Variants in PIGN observed in about 807,000 individuals in gnomAD.
PIGN encodes the protein phosphatidylinositol glycan anchor biosynthesis class N, also known as GPI ethanolamine phosphate transferase 1.
In PIGN, 117 loss-of-function variants were observed where a neutral mutation model predicts 125.4. The ratio of observed to expected loss-of-function variants is 0.93; its 90% CI spans 0.80 to 1.09. The LOEUF (loss-of-function observed/expected upper bound fraction) is 1.09. Ranked by LOEUF, PIGN falls within the 50% of genes least tolerant of loss-of-function variation. PIGN has a pLI of 0.00. For synonymous variants in PIGN, 392 were observed against 377.8 expected, an observed-to-expected ratio of 1.04 and a Z score of -0.44; for missense variants, 1,075 against 1,094.9, an observed-to-expected ratio of 0.98 and a Z score of 0.26.
At chr18:62,138,955 T>C (rs1278458380) in intron 13 of PIGN, 28 bp downstream of exon 13, 1 of 1,203,866 alleles carries the variant, frequency 8.3e-7, no homozygotes, top group South Asian at 1.5e-5. Context: ...TCCATTTTTG[T>C]GCGTGCCTTT....
intron 23 of PIGN, among the ~76,000 whole-genome samples, chr18:62,021,294 G>A (rs920548513): frequency 6.6e-6 from 1 of 152,214 alleles, no homozygotes; most frequent in Non-Finnish European, 1.5e-5. Context: ...TGTTGTGTAT[G>A]TCAAGCCAGG....
intron 1 of PIGN, among the ~76,000 whole-genome samples, chr18:62,178,685 G>C (rs1167576979): frequency 6.6e-6 from 1 of 151,510 alleles, no homozygotes; most frequent in African/African-American, 2.4e-5. Context: ...AAACTATTAA[G>C]CCATATAATT....
chr18:62,023,113 C>A (rs2030073322), intron 23 of PIGN, among the ~76,000 whole-genome samples: 1 of 152,048 alleles, frequency 6.6e-6, no homozygotes, highest in Admixed American at 6.6e-5. Flanking sequence ...AGATGTGGAA[C>A]CTACGGATAT....
chr18:62,053,012 G>C, intron 30 of PIGN: 1 of 366,506 alleles, frequency 2.7e-6, no homozygotes, highest in Non-Finnish European at 4.9e-6. Flanking sequence ...GAAGGAAAAA[G>C]AACTCAGTAA....
intron 21 of PIGN, among the ~76,000 whole-genome samples, chr18:62,102,118 T>C (rs1267838813): frequency 6.6e-6 from 1 of 151,248 alleles, no homozygotes; most frequent in Non-Finnish European, 1.5e-5. Flanking sequence ...TCCCAGCTAC[T>C]CAAGAAGCTG....
chr18:62,140,429 A>C lies in PIGN; in HGVS notation c.1014T>G (p.Leu338=), dbSNP rs750606398. ...AAATTTTATTCCTTACCACTGAGTT[A>C]AGAGGAAAGGGAACTCCAATAAGGG... is the stretch of plus-strand genomic sequence containing the variant. ...MTSLIGVPFP[L]NSVGILPVDY... is the part of the protein sequence containing the mutation. Residue 338 remains leucine (L), a synonymous_variant, in exon 12 of 31, where the codon CTT becomes CTG. Transcript: ENST00000640252. 6.7e-7 allele frequency: 1 copy of C among 1,493,704 alleles called. No homozygotes were observed. The highest frequency in any genetic ancestry group is 9.2e-7 in the Non-Finnish European group (1 of 1,085,262). The allele number at this position is 1,493,704 out of a possible 1,614,324, so 92.5% of individuals were successfully genotyped here.
chr18:62,151,957 C>A (rs113914251), intron 7 of PIGN, among the ~76,000 whole-genome samples: 6,275 of 152,188 alleles, frequency 0.041, 427 homozygotes, highest in African/African-American at 0.14. Context: ...GTGGCCATGG[C>A]CCATGACACA....
At chr18:62,176,265 T>A (rs1287668297) in intron 1 of PIGN, among the ~76,000 whole-genome samples, 2 of 152,152 alleles carry the variant, frequency 1.3e-5, no homozygotes, top group Admixed American at 6.6e-5. Flanking sequence ...ATCTCTTTTT[T>A]ACAGAATAAT....
In PIGN at chr18:62,140,441, A is replaced by G; in HGVS notation, c.1002T>C (p.Val334=). 6.5e-7 allele frequency: 1 copy of G among 1,545,736 alleles called. No homozygotes were observed. Among genetic ancestry groups the G allele is most frequent in the Non-Finnish European group, 8.9e-7 (1 of 1,129,748 alleles). ...TTACCACTGAGTTAAGAGGAAAGGGAACTCCAATAAGGGAAGTCATCAATG... is the reference window on the plus strand; with the variant it reads ...TTACCACTGAGTTAAGAGGAAAGGGGACTCCAATAAGGGAAGTCATCAATG... ...IAPLMTSLIG[V]PFPLNSVGIL... Residue 334 remains valine, a synonymous_variant, in exon 12 of 31, where the codon GTT becomes GTC. Coordinates refer to ENST00000640252, the MANE Select transcript of PIGN (RefSeq NM_176787.5).
intron 1 of PIGN, among the ~76,000 whole-genome samples, chr18:62,167,284 ATATGTGTGTGTG>A (rs1364219141): frequency 4.3e-4 from 58 of 136,172 alleles, no homozygotes; most frequent in African/African-American, 1.4e-3. Context: ...ATAGAGATAT[ATATGTGTGTGTG>A]TGTGTGTGTG....
At chr18:62,098,599 A>C (rs2034307063) in intron 22 of PIGN, among the ~76,000 whole-genome samples, 1 of 152,192 alleles carries the variant, frequency 6.6e-6, no homozygotes, top group South Asian at 2.1e-4. Context: ...ATTTCAAAAT[A>C]TACCATCCAT....
chr18:62,056,846 T>C (rs936610269), intron 30 of PIGN: 2 of 152,336 alleles, frequency 1.3e-5, no homozygotes, highest in East Asian at 3.8e-4. Flanking sequence ...CTCCACCTCC[T>C]GTCAAATGAG....
chr18:62,141,214 A>G (rs1171922859), intron 11 of PIGN, among the ~76,000 whole-genome samples: 1 of 152,244 alleles, frequency 6.6e-6, no homozygotes, highest in African/African-American at 2.4e-5. Context: ...TCAAATTCTC[A>G]GGTAGGTTTT....
At chr18:62,064,517 C>G (rs536802543) in intron 30 of PIGN, among the ~76,000 whole-genome samples, 2 of 152,166 alleles carry the variant, frequency 1.3e-5, no homozygotes, top group Non-Finnish European at 2.9e-5. Flanking sequence ...ATTTATTAAA[C>G]ACATACACAA....
chr18:62,126,230 A>G (rs2035530837), intron 14 of PIGN, among the ~76,000 whole-genome samples: 1 of 152,118 alleles, frequency 6.6e-6, no homozygotes, highest in Non-Finnish European at 1.5e-5. Flanking sequence ...CTTTCAACAT[A>G]TATAACATTT....
chr18:62,031,714 T>A (rs528386548), intron 23 of PIGN, among the ~76,000 whole-genome samples: 12 of 152,292 alleles, frequency 7.9e-5, no homozygotes, highest in African/African-American at 2.6e-4. Flanking sequence ...TTTTTTTCTT[T>A]TCTGTTTTCA....
chr18:62,095,435 T>C (rs951882426), intron 23 of PIGN, among the ~76,000 whole-genome samples: 1 of 151,272 alleles, frequency 6.6e-6, no homozygotes, highest in Non-Finnish European at 1.5e-5. Context: ...CAAATGAATA[T>C]CTGAACTGTG....
At chr18:62,068,589 A>G (rs1327939191) in intron 30 of PIGN, among the ~76,000 whole-genome samples, 1 of 152,196 alleles carries the variant, frequency 6.6e-6, no homozygotes, top group Non-Finnish European at 1.5e-5. Context: ...AAACTTCTCC[A>G]GCCAAGCTCA....
chr18:62,039,685 G>C (rs1479423918), downstream of PIGN, among the ~76,000 whole-genome samples: 1 of 107,104 alleles, frequency 9.3e-6, no homozygotes, highest in Admixed American at 9.2e-5. Flanking sequence ...GGCCCATCCA[G>C]GGTGCCGCAC....
Sources: allele counts gnomAD v4.1 joint callset (sites outside exome capture counted in the v4.1 genomes callset), GRCh38; gene constraint gnomAD v4.1.1; transcripts MANE v1.5; gene names NCBI Gene and HGNC (gene_info 2026-07-23, HGNC 2026-07-21).